The following TNIK variants were observed in gnomAD, a reference collection of about 807,000 sequenced individuals.
TNIK encodes TRAF2 and NCK interacting kinase, also known as TRAF2 and NCK-interacting protein kinase.
Under a neutral mutation model 191.3 loss-of-function variants are expected in TNIK, and 49 were observed. The ratio of observed to expected loss-of-function variants is 0.26; its 90% CI spans 0.20 to 0.32. The LOEUF (loss-of-function observed/expected upper bound fraction) is 0.32. Among genes scored for constraint, TNIK ranks in the 10% least tolerant of loss-of-function variants. The probability of loss-of-function intolerance (pLI) is 1.00; values close to 1 mark genes in which losing one functional copy is unlikely to be tolerated. For synonymous variants in TNIK, 594 were observed against 600.9 expected (o/e 0.99, Z 0.17); for missense variants, 1,155 against 1,702.3 (o/e 0.68, Z 5.66).
chr3:171,358,291 G>A (rs966313436), intron 2 of TNIK, among the ~76,000 whole-genome samples: 7 of 152,174 alleles, frequency 4.6e-5, no homozygotes, highest in African/African-American at 7.2e-5. Context: ...AAGGAAAGAG[G>A]TTTAATTGAC....
intron 28 of TNIK, among the ~76,000 whole-genome samples, chr3:171,076,706 A>G (rs1576912286): frequency 6.6e-6 from 1 of 152,142 alleles, no homozygotes; most frequent in Non-Finnish European, 1.5e-5. Flanking sequence ...AAAACCAAGT[A>G]CCTGCCTCCC....
rs140759247 is a variant in TNIK at position 171,341,060 on chromosome 3, T to C, written c.123+28560A>G. ...AAATATATAACAGACTACAAAACCA[T>C]GAGCTTATGGCTATTAATGCAGTTG... is the stretch of plus-strand genomic sequence containing the variant. On this transcript the variant is annotated intron_variant, in intron 2 of 32. Transcript: ENST00000436636. Among the ~76,000 whole-genome samples the C allele has an allele frequency of 2.0e-5, 3 of 152,284 alleles. No homozygotes were observed. The East Asian group carries it at 5.8e-4, about 29-fold the overall frequency.
intron 3 of TNIK, among the ~76,000 whole-genome samples, chr3:171,222,955 T>C (rs988161680): frequency 6.6e-6 from 1 of 152,204 alleles, no homozygotes; most frequent in African/African-American, 2.4e-5. Flanking sequence ...GAAAACCTGC[T>C]TACATTTCTT....
chr3:171,358,091 T>C (rs2108459820), intron 2 of TNIK, among the ~76,000 whole-genome samples: 2 of 152,312 alleles, frequency 1.3e-5, no homozygotes, highest in South Asian at 4.1e-4. Flanking sequence ...TTGTGTCAAA[T>C]ACTGGAGTTT....
chr3:171,208,803 AC>A lies in TNIK; in HGVS notation c.306+2312del, dbSNP rs530496929. 8.6e-4 allele frequency among the ~76,000 whole-genome samples: 131 copies of A among 152,106 alleles called. No individual in the cohort carries two copies. In the Middle Eastern group the frequency reaches 0.01, roughly 12 times the overall value. ...TCAAACTCCTGACCTCAAGTGATCCACCCACCTCAGCCTCCCAAAGTGCTGG... is the reference window on the plus strand; with the variant it reads ...TCAAACTCCTGACCTCAAGTGATCCACCACCTCAGCCTCCCAAAGTGCTGG... On this transcript the variant is annotated intron_variant, in intron 4 of 32. Transcript: ENST00000436636.
intron 1 of TNIK, among the ~76,000 whole-genome samples, chr3:171,383,986 G>A (rs1718405998): frequency 6.6e-6 from 1 of 152,156 alleles, no homozygotes; most frequent in Non-Finnish European, 1.5e-5. Context: ...CCTCTCCCCA[G>A]GCATCAGCTA....
chr3:171,356,708 G>T (rs1445728067), intron 2 of TNIK, among the ~76,000 whole-genome samples: 1 of 152,160 alleles, frequency 6.6e-6, no homozygotes, highest in Admixed American at 6.5e-5. Flanking sequence ...ACTCGATCAG[G>T]AGTCATGCTC....
intron 12 of TNIK, among the ~76,000 whole-genome samples, chr3:171,149,627 T>A (rs1321928845): frequency 1.3e-5 from 2 of 152,202 alleles, no homozygotes; most frequent in Admixed American, 1.3e-4. Context: ...TCCATGCAGA[T>A]GACACGGCTC....
intron 2 of TNIK, among the ~76,000 whole-genome samples, chr3:171,269,829 C>G (rs1748867981): frequency 6.6e-6 from 1 of 152,148 alleles, no homozygotes; most frequent in South Asian, 2.1e-4. Context: ...GCATCAAGGT[C>G]AGAATAAAAA....
chr3:171,137,108 CTTTTTTTTT>C lies in TNIK; in HGVS notation c.1608+1074_1608+1082del, dbSNP rs71176593. ...AAGTACAAAAAAGTTTTTAAAAATCCTTTTTTTTTTTTTTTTTTTTTTTTTACTTTCTGC... is the reference window on the plus strand; with the variant it reads ...AAGTACAAAAAAGTTTTTAAAAATCCTTTTTTTTTTTTTTTTACTTTCTGC... On this transcript the variant is annotated intron_variant, in intron 15 of 32. Transcript: ENST00000436636. 2.8e-3 allele frequency among the ~76,000 whole-genome samples: 290 copies of C among 104,160 alleles called. 1 individual carries two copies. The highest frequency in any genetic ancestry group is 3.8e-3 in the Non-Finnish European group (213 of 55,448). 68.3% of individuals were successfully genotyped at this position (104,160 alleles called of 152,430 possible). A position where few individuals can be genotyped will look rare whatever the true frequency, so the allele number is the denominator to read the frequency against.
intron 7 of TNIK, among the ~76,000 whole-genome samples, chr3:171,183,964 C>G (rs1458696207): frequency 6.7e-6 from 1 of 148,874 alleles, no homozygotes; most frequent in African/African-American, 2.5e-5. Context: ...AGCAATACTT[C>G]CATATGATAA....
At chr3:171,286,912 G>T (rs770281508) in intron 2 of TNIK, among the ~76,000 whole-genome samples, 1 of 152,064 alleles carries the variant, frequency 6.6e-6, no homozygotes, top group Non-Finnish European at 1.5e-5. Flanking sequence ...TTTAACTTAG[G>T]TTTATGATGC....
rs940260247 is a variant in TNIK at position 171,366,550 on chromosome 3, A to G, written c.123+3070T>C. ...TATGTTTCTTTAAAACTACCTGTAA[A>G]CAAAATTATATTATGACTCTCTTAG... is the stretch of plus-strand genomic sequence containing the variant. On this transcript the variant is annotated intron_variant, in intron 2 of 32. Transcript: ENST00000436636. This position sits in a 1 kb window ranked among gnomAD's most constrained non-coding sequence, Gnocchi z 4.1. Among the ~76,000 whole-genome samples, 7 of 152,144 alleles carry G rather than the reference A, an allele frequency of 4.6e-5. No homozygotes were observed. The highest frequency in any genetic ancestry group is 1.0e-4 in the Non-Finnish European group (7 of 68,026).
intron 4 of TNIK, among the ~76,000 whole-genome samples, chr3:171,199,002 T>C (rs989514622): frequency 2.0e-5 from 3 of 152,116 alleles, no homozygotes; most frequent in African/African-American, 4.8e-5. Flanking sequence ...AGGAAGGCAA[T>C]GGAAGCCCAG....
intron 3 of TNIK, among the ~76,000 whole-genome samples, chr3:171,222,001 T>A (rs1223850159): frequency 6.6e-6 from 1 of 152,324 alleles, no homozygotes; most frequent in East Asian, 1.9e-4. Context: ...ATTAAAATCA[T>A]GTATTGAGGA....
chr3:171,327,040 T>TG (rs1310299955), intron 2 of TNIK, among the ~76,000 whole-genome samples: 1 of 152,182 alleles, frequency 6.6e-6, no homozygotes, highest in Non-Finnish European at 1.5e-5. Flanking sequence ...AGAGAATCTA[T>TG]GGTAAAGAAA....
chr3:171,261,923 C>T (rs1747678138), intron 2 of TNIK, among the ~76,000 whole-genome samples: 1 of 152,164 alleles, frequency 6.6e-6, no homozygotes, highest in Non-Finnish European at 1.5e-5. Flanking sequence ...GAAGAGGTGA[C>T]ATTTGAGCTG....
chr3:171,310,800 T>C (rs969243874), intron 2 of TNIK, among the ~76,000 whole-genome samples: 3 of 152,188 alleles, frequency 2.0e-5, no homozygotes, highest in Admixed American at 6.6e-5. Flanking sequence ...ACCTTACATG[T>C]TGATAAGCAG....
At chr3:171,218,883 ATATAT>A (rs1257232106) in intron 3 of TNIK, among the ~76,000 whole-genome samples, 1,653 of 106,052 alleles carry the variant, frequency 0.016, 39 homozygotes, top group African/African-American at 0.063. Flanking sequence ...TTTTATTTTT[ATATAT>A]TATATATTTA....
Sources: gnomAD v4.1 joint callset for allele counts (sites outside exome capture counted in the v4.1 genomes callset) on GRCh38, gnomAD v4.1.1 for gene constraint, Gnocchi (gnomAD v3.1) non-coding constraint, MANE v1.5 for transcripts, NCBI Gene and HGNC (gene_info 2026-07-23, HGNC 2026-07-21) for gene names.